TMEM266: variants seen among roughly 807,000 people sequenced by gnomAD.
TMEM266 encodes the protein Hv1 related protein 1.
A neutral mutation model predicts 50.5 loss-of-function variants in TMEM266; 33 were observed. That is an observed-to-expected ratio of 0.65 (90% CI 0.50 to 0.87). The LOEUF (loss-of-function observed/expected upper bound fraction) is 0.87, where lower values mean the gene tolerates loss of function less well. Ranked by LOEUF, TMEM266 falls within the 40% of genes least tolerant of loss-of-function variation. The pLI is 0.00. For synonymous variants in TMEM266, 310 were observed against 292.3 expected (o/e 1.06, Z -0.62); for missense variants, 655 against 695.1 (o/e 0.94, Z 0.65).
At chr15:76,197,034 C>T (rs911161928) in intron 9 of TMEM266, among the ~76,000 whole-genome samples, 13 of 152,230 alleles carry the variant, frequency 8.5e-5, no homozygotes, top group African/African-American at 2.7e-4. Flanking sequence ...TTCGCGTCCC[C>T]CACGCTGCTG....
chr15:76,154,286 CA>C (rs2037888915), intron 3 of TMEM266, among the ~76,000 whole-genome samples: 1 of 152,192 alleles, frequency 6.6e-6, no homozygotes, highest in Non-Finnish European at 1.5e-5. Flanking sequence ...TGTAACTGGA[CA>C]TACTGCGCTT....
Position 76,203,732 on chromosome 15 carries a change from A to G in TMEM266, c.1022-9A>G, listed in dbSNP as rs561277402. The G allele has an allele frequency of 3.1e-6, 5 of 1,608,186 alleles. No homozygotes were observed. In the African/African-American group the frequency reaches 4.0e-5, roughly 13 times the overall value. ...TGAAGTGTGACCAAGATCCCCTCCT[A>G]CCTTGCAGACAGCGGTGTCCCAGAG... On this transcript the variant is annotated splice_polypyrimidine_tract_variant and intron_variant, in intron 10 of 10. Coordinates refer to ENST00000388942, the MANE Select transcript of TMEM266 (RefSeq NM_152335.3).
At chr15:76,162,488 G>T (rs2038033686) in intron 5 of TMEM266, among the ~76,000 whole-genome samples, 1 of 152,202 alleles carries the variant, frequency 6.6e-6, no homozygotes, top group Non-Finnish European at 1.5e-5. Context: ...CCCTCACAAT[G>T]ACTGGGATGC....
At chr15:76,076,416 T>C (rs1041241224) in intron 1 of TMEM266, among the ~76,000 whole-genome samples, 1 of 152,096 alleles carries the variant, frequency 6.6e-6, no homozygotes, top group East Asian at 1.9e-4. Flanking sequence ...TGCCTGAGAA[T>C]AAACAATAGT....
At position 76,204,286 on chromosome 15, in the gene TMEM266, C is replaced by G. The variant is rs773001964; in HGVS notation, c.1567C>G (p.Gln523Glu). Residue 523 changes from glutamine (Q) to glutamate (E), a missense_variant, in exon 11 of 11, where the codon CAA becomes GAA. By Grantham distance (29) the Gln-to-Glu change is conservative. Around this residue, in one of 3 missense-constraint regions of TMEM266, gnomAD observed 455 missense variants for 401.8 expected, o/e 1.13. Transcript: ENST00000388942. ...GTTCAGATCTTTGGAATCCAAAGAG[C>G]AAAAGCTGCACAGGGTCCCTGAGGC... The G allele has an allele frequency of 1.2e-6, 2 of 1,611,422 alleles. No individual in the cohort carries two copies. Among genetic ancestry groups the G allele is most frequent in the East Asian group, 4.5e-5 (2 of 44,816 alleles).
chr15:76,071,464 T>G (rs2036538616), intron 1 of TMEM266, among the ~76,000 whole-genome samples: 1 of 152,294 alleles, frequency 6.6e-6, no homozygotes, highest in South Asian at 2.1e-4. Context: ...TTGTCCCTAC[T>G]TCTCCCAGTG....
At chr15:76,095,543 G>T (rs987082282) in intron 1 of TMEM266, among the ~76,000 whole-genome samples, 36 of 151,956 alleles carry the variant, frequency 2.4e-4, no homozygotes, top group African/African-American at 8.2e-4. Flanking sequence ...TTTTCGCATC[G>T]ATTGTCATCA....
At chr15:76,118,713 C>A (rs1325854415) in intron 1 of TMEM266, among the ~76,000 whole-genome samples, 1 of 152,132 alleles carries the variant, frequency 6.6e-6, no homozygotes, top group African/African-American at 2.4e-5. Flanking sequence ...GATGTAGAGA[C>A]CTTGGTTTGC....
At chr15:76,134,125 G>C (rs1228286814) in intron 1 of TMEM266, 43 bp from the exon 2 acceptor site, 3 of 819,820 alleles carry the variant, frequency 3.7e-6, no homozygotes, top group Non-Finnish European at 5.9e-6. Flanking sequence ...GGAGGACTTT[G>C]GTTTGGCATC....
chr15:76,153,866 C>T lies in TMEM266; in HGVS notation c.228-2738C>T, dbSNP rs74556935. 6.6e-6 allele frequency among the ~76,000 whole-genome samples: 1 copy of T among 152,032 alleles called. No homozygotes were observed. The highest frequency in any genetic ancestry group is 1.5e-5 in the Non-Finnish European group (1 of 67,976). On this transcript the variant is annotated intron_variant, in intron 3 of 10. Transcript: ENST00000388942. This position sits in a 1 kb window ranked among gnomAD's most constrained non-coding sequence, Gnocchi z 4.2. Reference sequence around the variant, plus strand: ...AAAGGCTCGTTAATGGATGGAAGCGCTGTGCCGCTGGCACTGCTGCGGGCA... The same window carrying T: ...AAAGGCTCGTTAATGGATGGAAGCGTTGTGCCGCTGGCACTGCTGCGGGCA...
At chr15:76,117,202 T>TCCATCAGGGTCTTACACTTGATG (rs1357381962) in intron 1 of TMEM266, among the ~76,000 whole-genome samples, 1 of 152,094 alleles carries the variant, frequency 6.6e-6, no homozygotes, top group Non-Finnish European at 1.5e-5. Flanking sequence ...CCCAGCCGAA[T>TCCATCAGGGTCTTACACTTGATG]CCATCAGGGT....
rs1002940787 is a variant in TMEM266 at position 76,177,920 on chromosome 15, G to A, written c.768+2246G>A. 7.2e-5 allele frequency among the ~76,000 whole-genome samples: 11 copies of A among 152,344 alleles called. No individual in the cohort carries two copies. In the East Asian group the frequency reaches 7.7e-4, roughly 11 times the overall value. On this transcript the variant is annotated intron_variant, in intron 8 of 10. Transcript: ENST00000388942. ...TGCCTGTATCACATGGGCACGTCCC[G>A]GGCTCTGCAGGCCAGGATGGGGAAG...
At chr15:76,138,877 G>C (rs1447750456) in intron 3 of TMEM266, among the ~76,000 whole-genome samples, 1 of 152,190 alleles carries the variant, frequency 6.6e-6, no homozygotes, top group African/African-American at 2.4e-5. Context: ...GCAAGAGCTA[G>C]GTGGGGCAGG....
intron 1 of TMEM266, among the ~76,000 whole-genome samples, chr15:76,115,269 A>G (rs2037230533): frequency 6.6e-6 from 1 of 152,212 alleles, no homozygotes; most frequent in Non-Finnish European, 1.5e-5. Context: ...TTCATAGGGA[A>G]CCGTCAAGTT....
rs553755712 is a variant in TMEM266, at chr15:76,158,931, G to A, written c.383-1164G>A. Among the ~76,000 whole-genome samples, 6 of 152,288 alleles carry A rather than the reference G, an allele frequency of 3.9e-5. No individual in the cohort carries two copies. In the East Asian group the frequency reaches 1.2e-3, roughly 29 times the overall value. On this transcript the variant is annotated intron_variant, in intron 4 of 10. Coordinates refer to ENST00000388942, the MANE Select transcript of TMEM266 (RefSeq NM_152335.3). ...TGATTTCTACCCACCCCTAGGGTCT[G>A]CAGATCCCAGAGCTTCGGGAGAGGT...
chr15:76,199,544 T>TGC (rs1567186236), intron 9 of TMEM266, among the ~76,000 whole-genome samples: 2 of 152,194 alleles, frequency 1.3e-5, no homozygotes, highest in Non-Finnish European at 2.9e-5. Context: ...AAGACCTGGG[T>TGC]GTCCGTGCTG....
chr15:76,199,282 A>G (rs1324057860), intron 9 of TMEM266, among the ~76,000 whole-genome samples: 1 of 152,188 alleles, frequency 6.6e-6, no homozygotes, highest in Non-Finnish European at 1.5e-5. Flanking sequence ...TTGTCCGGGG[A>G]CGGTCGGCCA....
In TMEM266 at chr15:76,203,932, C is replaced by G. The variant is rs777320679; in HGVS notation, c.1213C>G (p.Leu405Val). ...GGCCCAGAGTGACAGCAGCCAGACG[C>G]TGGGCTCCTCCATGGACTGCAGCAC... Residue 405 changes from leucine to valine, a missense_variant, in exon 11 of 11, where the codon CTG (leucine) becomes GTG (valine). Leu to Val is a conservative substitution (Grantham distance 32). Around this residue, in one of 3 missense-constraint regions of TMEM266, gnomAD observed 455 missense variants for 401.8 expected, o/e 1.13. Coordinates refer to ENST00000388942, the MANE Select transcript of TMEM266 (RefSeq NM_152335.3). 2 of 1,614,058 alleles carry G rather than the reference C, an allele frequency of 1.2e-6. No individual in the cohort carries two copies. Among genetic ancestry groups the G allele is most frequent in the South Asian group, 2.2e-5 (2 of 91,074 alleles).
chr15:76,204,153 G>A lies in TMEM266; in HGVS notation c.1434G>A (p.Leu478=), dbSNP rs1490768701. 4 of 1,613,624 alleles carry A rather than the reference G, an allele frequency of 2.5e-6. No homozygotes were observed. The highest frequency in any genetic ancestry group is 3.4e-6 in the Non-Finnish European group (4 of 1,179,994). The change falls in exon 11 of 11, where the codon CTG becomes CTA. Residue 478 remains leucine (L), a synonymous_variant. Coordinates refer to ENST00000388942, the MANE Select transcript of TMEM266 (RefSeq NM_152335.3). ...GCTCGGCCCAAACCAGCCCCGAGCT[G>A]GAACACAGGGTAAGTCTGTTCAACC...
Sources: allele counts gnomAD v4.1 joint callset (sites outside exome capture counted in the v4.1 genomes callset), GRCh38; gene constraint gnomAD v4.1.1; regional missense constraint gnomAD v4.1.1; non-coding constraint Gnocchi (gnomAD v3.1); transcripts MANE v1.5; gene names NCBI Gene and HGNC (gene_info 2026-07-23, HGNC 2026-07-21).